The following PPL variants were observed in gnomAD, a reference collection of about 807,000 sequenced individuals.
PPL encodes the protein periplakin.
A neutral mutation model predicts 194.4 loss-of-function variants in PPL; 198 were observed. The observed-to-expected ratio is 1.02, with a 90% CI of 0.91 to 1.15. PPL has a LOEUF of 1.15. Ranked by LOEUF, PPL falls within the 50% of genes most tolerant of loss-of-function variation. The pLI, the probability that PPL is intolerant of heterozygous loss-of-function variation, is 0.00. For missense variants in PPL, 2,885 were observed against 2,294.8 expected, an observed-to-expected ratio of 1.26 and a Z score of -5.25; for synonymous variants, 1,220 against 972.4, an observed-to-expected ratio of 1.25 and a Z score of -4.74.
intron 1 of PPL, 29 bp from the exon 2 acceptor site, chr16:4,910,978 C>A: frequency 6.3e-7 from 1 of 1,583,714 alleles, no homozygotes; most frequent in Non-Finnish European, 8.6e-7. Context: ...GGGAGATGGG[C>A]GGGGTGCCTG....
chr16:4,903,804 C>G, intron 3 of PPL, 82 bp downstream of exon 3: 13 of 1,530,728 alleles, frequency 8.5e-6, no homozygotes, highest in Non-Finnish European at 1.2e-5. Context: ...CTGACTCGGG[C>G]TCCCAAATGC....
At position 4,893,593 on chromosome 16, in the gene PPL, G is replaced by C; in HGVS notation, c.1440C>G (p.Ser480Arg). The C allele has an allele frequency of 3.7e-6, 6 of 1,610,366 alleles. No homozygotes were observed. The highest frequency in any genetic ancestry group is 4.2e-6 in the Non-Finnish European group (5 of 1,179,404). Reference sequence around the variant, plus strand: ...CATACCGCTGCTGCAGCGTGCGTTTGCTCCCAGCTGCCTTCTGCCGCACGC... The same window carrying C: ...CATACCGCTGCTGCAGCGTGCGTTTCCTCCCAGCTGCCTTCTGCCGCACGC... Reference protein sequence around the residue: ...YRSVRQKAAGSKRTLQQRYEV... With the variant: ...YRSVRQKAAGRKRTLQQRYEV... Residue 480 changes from serine to arginine, a missense_variant, in exon 13 of 22, where the codon AGC becomes AGG. Transcript: ENST00000345988.
In PPL at chr16:4,910,888, C is replaced by T. The variant is rs930324896; in HGVS notation, c.124G>A (p.Glu42Lys). The T allele has an allele frequency of 1.9e-6, 3 of 1,613,982 alleles. No homozygotes were observed. The highest frequency in any genetic ancestry group is 2.5e-6 in the Non-Finnish European group (3 of 1,180,020). ...GCCTCTGTGTCCACGATGTTCTTCT[C>T]CACCTGGTCGGCATTCTTCTGCAGC... Reference protein sequence around the residue: ...EQLQKNADQVEKNIVDTEAKM... With the variant: ...EQLQKNADQVKKNIVDTEAKM... Residue 42 changes from glutamate to lysine, a missense_variant, in exon 2 of 22, where the codon GAG (glutamate) becomes AAG (lysine). Physicochemically the swap from Glu to Lys is moderately conservative, Grantham distance 56. Coordinates refer to ENST00000345988, the MANE Select transcript of PPL (RefSeq NM_002705.5).
At chr16:4,936,688 C>A (rs554058777) in intron 1 of PPL, among the ~76,000 whole-genome samples, 1 of 152,308 alleles carries the variant, frequency 6.6e-6, no homozygotes, top group South Asian at 2.1e-4. Context: ...GTGCCCTGTA[C>A]CCCCAGCTCA....
rs2088192861 is a variant in PPL, at chr16:4,885,208, CCT to C, written c.3445_3446del (p.Arg1149GlyfsTer38). The C allele has an allele frequency of 6.2e-7, 1 of 1,614,088 alleles. No homozygotes were observed. Among genetic ancestry groups the C allele is most frequent in the Non-Finnish European group, 8.5e-7 (1 of 1,180,024 alleles). ...TCTTTCGGAGCAGCTCCGTCTTCTC[CCT>C]CTGGCTAGCGCGAGCCTTGGCAGCC... The part of the protein sequence containing the change: ...DEAAKARASQ[R>X]EKTELLRKIW... On this transcript the variant is annotated frameshift_variant, in exon 22 of 22. Transcript: ENST00000345988. LOFTEE classifies it high-confidence loss of function. The surrounding 1 kb of genome is among the most constrained non-coding windows in gnomAD (Gnocchi z 6.3).
chr16:4,897,863 G>A (rs2088465416), intron 8 of PPL, 93 bp from the exon 9 acceptor site: 2 of 995,836 alleles, frequency 2.0e-6, no homozygotes, highest in African/African-American at 1.6e-5. Flanking sequence ...GCATGGCGGG[G>A]GAGGGAGGCA....
At chr16:4,933,385 G>C (rs965198141) in intron 1 of PPL, among the ~76,000 whole-genome samples, 1 of 152,158 alleles carries the variant, frequency 6.6e-6, no homozygotes, top group Non-Finnish European at 1.5e-5. Context: ...GGAGGGGCAA[G>C]ATTAATCCCA....
chr16:4,888,775 A>T, intron 19 of PPL: 1 of 593,376 alleles, frequency 1.7e-6, no homozygotes, highest in East Asian at 2.5e-5. Flanking sequence ...GCTTCAGAGT[A>T]TAAAACCCTT....
chr16:4,887,073 G>C, intron 21 of PPL, 62 bp downstream of exon 21: 4 of 1,318,700 alleles, frequency 3.0e-6, no homozygotes, highest in Non-Finnish European at 4.4e-6. Flanking sequence ...CTCTAAGACA[G>C]AGTCTGTATT....
intron 1 of PPL, among the ~76,000 whole-genome samples, chr16:4,929,468 C>T (rs373207384): frequency 1.3e-5 from 2 of 152,146 alleles, no homozygotes; most frequent in Non-Finnish European, 2.9e-5. Flanking sequence ...CACCCTTCAC[C>T]TAAACTGGAA....
chr16:4,919,738 T>C (rs74805677), intron 1 of PPL, among the ~76,000 whole-genome samples: 4,996 of 151,708 alleles, frequency 0.033, 266 homozygotes, highest in African/African-American at 0.11. Context: ...GAGACCAAAT[T>C]GGGCAAATAG....
At chr16:4,914,423 T>G (rs2088879494) in intron 1 of PPL, among the ~76,000 whole-genome samples, 1 of 152,134 alleles carries the variant, frequency 6.6e-6, no homozygotes, top group East Asian at 1.9e-4. Flanking sequence ...GCTGTTGATG[T>G]TGGGGGCATT....
At chr16:4,890,554 C>T (rs980925064) in intron 17 of PPL, among the ~76,000 whole-genome samples, 174 bp downstream of exon 17, 3 of 152,212 alleles carry the variant, frequency 2.0e-5, no homozygotes, top group Non-Finnish European at 2.9e-5. Context: ...TTGTGGATTA[C>T]AGGACCCAGG....
At chr16:4,906,716 C>T (rs1024698476) in intron 2 of PPL, among the ~76,000 whole-genome samples, 15 of 152,178 alleles carry the variant, frequency 9.9e-5, no homozygotes, top group Non-Finnish European at 1.9e-4. Context: ...GGCTAGTGTT[C>T]GAAAGTTCAA....
In PPL at chr16:4,899,213, C is replaced by T. The variant is rs1354298473; in HGVS notation, c.768+10G>A. 1.9e-6 allele frequency: 3 copies of T among 1,613,722 alleles called. No individual in the cohort carries two copies. In the African/African-American group the frequency reaches 4.0e-5, roughly 22 times the overall value. On this transcript the variant is annotated intron_variant, in intron 7 of 21. Coordinates refer to ENST00000345988, the MANE Select transcript of PPL (RefSeq NM_002705.5). ...CCTCCTCCCTGATGCCCCAGGCCCC[C>T]AGAACCCACCTCATACTGGCGCCGG... is the stretch of plus-strand genomic sequence containing the variant.
intron 16 of PPL, 168 bp downstream of exon 16, chr16:4,891,643 T>A: frequency 5.1e-6 from 4 of 778,904 alleles, no homozygotes; most frequent in Non-Finnish European, 8.0e-6. Context: ...ATCCCGTGAA[T>A]AGCTTGGATT....
At chr16:4,914,939 C>T (rs1028396879) in intron 1 of PPL, among the ~76,000 whole-genome samples, 3 of 152,210 alleles carry the variant, frequency 2.0e-5, no homozygotes, top group Non-Finnish European at 4.4e-5. Flanking sequence ...ACCCCAGTCA[C>T]TGACCATCTG....
intron 1 of PPL, among the ~76,000 whole-genome samples, chr16:4,917,372 G>C (rs916410767): frequency 1.3e-5 from 2 of 152,112 alleles, no homozygotes; most frequent in African/African-American, 4.8e-5. Context: ...CAGGAACCTC[G>C]AGAATGTTAT....
At chr16:4,909,277 C>A (rs1003220338) in intron 2 of PPL, among the ~76,000 whole-genome samples, 1 of 152,164 alleles carries the variant, frequency 6.6e-6, no homozygotes. Context: ...TGTGGACAGG[C>A]CTTCAGAGGG....
Sources: allele counts gnomAD v4.1 joint callset (sites outside exome capture counted in the v4.1 genomes callset), GRCh38; gene constraint gnomAD v4.1.1; non-coding constraint Gnocchi (gnomAD v3.1); transcripts MANE v1.5; gene names NCBI Gene and HGNC (gene_info 2026-07-23, HGNC 2026-07-21).